WWOX: variants seen among roughly 807,000 people sequenced by gnomAD.
WWOX encodes WW domain containing oxidoreductase.
WWOX carries 69 observed loss-of-function variants against 46.2 expected under a neutral mutation model. The ratio of observed to expected loss-of-function variants is 1.49; its 90% CI spans 1.23 to 1.82. WWOX has a LOEUF of 1.82. WWOX is among the 40% of genes most tolerant of loss of function. The pLI is 0.00. For synonymous variants in WWOX, 359 were observed against 202.6 expected (o/e 1.77, Z -6.56); for missense variants, 919 against 542.6 (o/e 1.69, Z -6.89).
intron 8 of WWOX, among the ~76,000 whole-genome samples, chr16:78,956,016 T>C (rs2046159646): frequency 6.6e-6 from 1 of 152,164 alleles, no homozygotes; most frequent in South Asian, 2.1e-4. Context: ...AAAAAACTTT[T>C]TTTTTTAGAA....
chr16:78,518,472 C>T (rs933853843), intron 8 of WWOX, among the ~76,000 whole-genome samples: 3 of 152,120 alleles, frequency 2.0e-5, no homozygotes, highest in Non-Finnish European at 4.4e-5. Flanking sequence ...CTGTCCGCCT[C>T]GGCCTCCCAA....
chr16:78,192,381 A>G (rs1472504693), intron 5 of WWOX, among the ~76,000 whole-genome samples: 2 of 151,038 alleles, frequency 1.3e-5, no homozygotes, highest in African/African-American at 4.9e-5. Flanking sequence ...GTCCCAAGCT[A>G]CTCAGGAGGC....
chr16:78,948,844 G>C (rs1452784499), intron 8 of WWOX, among the ~76,000 whole-genome samples: 1 of 152,132 alleles, frequency 6.6e-6, no homozygotes, highest in Non-Finnish European at 1.5e-5. Context: ...TATCCTGGGT[G>C]ATTAGCATGG....
chr16:79,010,458 G>C (rs1047028867), intron 8 of WWOX, among the ~76,000 whole-genome samples: 1 of 152,150 alleles, frequency 6.6e-6, no homozygotes, highest in Non-Finnish European at 1.5e-5. Flanking sequence ...GGGCATCCCT[G>C]ACCAATCCAC....
intron 5 of WWOX, chr16:78,355,907 A>G: frequency 2.6e-6 from 1 of 379,980 alleles, no homozygotes; most frequent in Non-Finnish European, 5.1e-6. Flanking sequence ...AAGATATTCA[A>G]AAGAGAAACC....
intron 8 of WWOX, among the ~76,000 whole-genome samples, chr16:79,128,654 C>T (rs916981367): frequency 6.6e-6 from 1 of 152,180 alleles, no homozygotes; most frequent in African/African-American, 2.4e-5. Context: ...TGATTTCACT[C>T]AACTGAGGAA....
intron 8 of WWOX, among the ~76,000 whole-genome samples, chr16:78,478,756 G>C (rs916396319): frequency 6.6e-6 from 1 of 152,204 alleles, no homozygotes; most frequent in Non-Finnish European, 1.5e-5. Context: ...TATGTGCTCA[G>C]CAATCTAGCA....
intron 3 of WWOX, among the ~76,000 whole-genome samples, chr16:78,114,323 C>G (rs1037501637): frequency 4.6e-5 from 7 of 152,160 alleles, no homozygotes; most frequent in African/African-American, 7.2e-5. Flanking sequence ...TGGTCTTGAA[C>G]TCCTGGGCTC....
At chr16:79,070,817 G>C (rs1209241562) in intron 8 of WWOX, among the ~76,000 whole-genome samples, 1 of 152,170 alleles carries the variant, frequency 6.6e-6, no homozygotes, top group Non-Finnish European at 1.5e-5. Flanking sequence ...CATCTCTTTA[G>C]ATTAGTGATT....
chr16:79,114,484 G>A (rs903336735), intron 8 of WWOX, among the ~76,000 whole-genome samples: 1 of 151,572 alleles, frequency 6.6e-6, no homozygotes, highest in Non-Finnish European at 1.5e-5. Flanking sequence ...GAAGATGGAG[G>A]CAGATACTGG....
intron 5 of WWOX, among the ~76,000 whole-genome samples, chr16:78,255,844 A>G (rs1414766386): frequency 6.6e-6 from 1 of 152,174 alleles, no homozygotes; most frequent in Non-Finnish European, 1.5e-5. Flanking sequence ...TTAAAGTTCA[A>G]AGAAAGGAGT....
At chr16:78,759,599 G>A (rs1247783255) in intron 8 of WWOX, among the ~76,000 whole-genome samples, 1 of 152,106 alleles carries the variant, frequency 6.6e-6, no homozygotes, top group Non-Finnish European at 1.5e-5. Context: ...TTCTCAATCT[G>A]TGGATGAGAA....
intron 4 of WWOX, among the ~76,000 whole-genome samples, chr16:78,161,338 C>G (rs1004672027): frequency 2.6e-5 from 4 of 151,882 alleles, no homozygotes; most frequent in African/African-American, 9.7e-5. Flanking sequence ...TTATTGGCTT[C>G]CTGTTAAGTT....
intron 8 of WWOX, among the ~76,000 whole-genome samples, chr16:78,621,454 T>C (rs2046179355): frequency 6.6e-6 from 1 of 152,064 alleles, no homozygotes; most frequent in African/African-American, 2.4e-5. Context: ...CTTATTCTTT[T>C]CTTCTTCCAG....
In WWOX at chr16:78,272,231, A is replaced by G. The variant is rs942147602; in HGVS notation, c.516+107942A>G. 4.6e-5 allele frequency among the ~76,000 whole-genome samples: 7 copies of G among 152,196 alleles called. 1 individual carries two copies. The highest frequency in any genetic ancestry group is 1.3e-4 in the Admixed American group (2 of 15,282). Reference sequence around the variant, plus strand: ...GGTGCTATGCTGGAGGATGAATTGGACTGGCACTTCAGCTGGTCCAGGATG... The same window carrying G: ...GGTGCTATGCTGGAGGATGAATTGGGCTGGCACTTCAGCTGGTCCAGGATG... On this transcript the variant is annotated intron_variant, in intron 5 of 8. Coordinates refer to ENST00000566780, the MANE Select transcript of WWOX (RefSeq NM_016373.4).
chr16:78,571,083 C>G (rs1000680243), intron 8 of WWOX, among the ~76,000 whole-genome samples: 3 of 152,228 alleles, frequency 2.0e-5, no homozygotes, highest in Middle Eastern at 3.4e-3. Flanking sequence ...TTGCTCCTTT[C>G]TTTATCTGCA....
At chr16:78,145,231 C>T (rs1424515409) in intron 4 of WWOX, among the ~76,000 whole-genome samples, 2 of 152,032 alleles carry the variant, frequency 1.3e-5, no homozygotes, top group Non-Finnish European at 2.9e-5. Flanking sequence ...AGGATAGGTG[C>T]ATTAATATTT....
intron 5 of WWOX, among the ~76,000 whole-genome samples, chr16:78,370,996 T>TTTTC (rs1555528013): frequency 2.0e-5 from 3 of 149,436 alleles, no homozygotes; most frequent in Non-Finnish European, 3.0e-5. Flanking sequence ...TTTTTTTTTT[T>TTTTC]ACTTGTTTGT....
intron 5 of WWOX, among the ~76,000 whole-genome samples, chr16:78,206,699 G>A (rs1204019866): frequency 3.9e-5 from 6 of 152,072 alleles, no homozygotes; most frequent in Non-Finnish European, 5.9e-5. Flanking sequence ...TACCTCCAGG[G>A]TTCAGATATT....
Sources: gnomAD v4.1 joint callset for allele counts (sites outside exome capture counted in the v4.1 genomes callset) on GRCh38, gnomAD v4.1.1 for gene constraint, MANE v1.5 for transcripts, NCBI Gene and HGNC (gene_info 2026-07-23, HGNC 2026-07-21) for gene names.